Variants in TBC1D22A observed in about 807,000 individuals in gnomAD.
TBC1D22A encodes the protein TBC1 domain family member 22A.
TBC1D22A carries 38 observed loss-of-function variants against 60.2 expected under a neutral mutation model. The observed-to-expected ratio is 0.63, with a 90% CI of 0.49 to 0.83. The LOEUF is 0.83. TBC1D22A is among the 40% of genes least tolerant of loss of function. TBC1D22A has a pLI of 0.00. For missense variants in TBC1D22A, 628 were observed against 701.0 expected, an observed-to-expected ratio of 0.90 and a Z score of 1.18; for synonymous variants, 302 against 281.7, an observed-to-expected ratio of 1.07 and a Z score of -0.72.
chr22:46,929,337 AACATTT>A (rs1212682782), intron 8 of TBC1D22A, among the ~76,000 whole-genome samples: 2 of 152,190 alleles, frequency 1.3e-5, no homozygotes, highest in South Asian at 4.1e-4. Flanking sequence ...AGGTCTGGAT[AACATTT>A]GCTAGGTTGT....
At chr22:46,832,777 C>T (rs1003102349) in intron 4 of TBC1D22A, among the ~76,000 whole-genome samples, 1 of 152,230 alleles carries the variant, frequency 6.6e-6, no homozygotes, top group African/African-American at 2.4e-5. Context: ...CTGGTGCTAA[C>T]AAGCCACTGA....
chr22:46,921,655 G>T (rs577159815), intron 8 of TBC1D22A, among the ~76,000 whole-genome samples: 1 of 152,266 alleles, frequency 6.6e-6, no homozygotes. Context: ...AGTTATTAGA[G>T]AAATCACCGA....
chr22:46,860,687 C>T (rs2087825268), intron 4 of TBC1D22A, among the ~76,000 whole-genome samples: 1 of 152,220 alleles, frequency 6.6e-6, no homozygotes, highest in African/African-American at 2.4e-5. Flanking sequence ...AGTGCTGTGC[C>T]CCTTCCTGGC....
At chr22:47,109,607 G>C (rs2065770950) in intron 11 of TBC1D22A, among the ~76,000 whole-genome samples, 1 of 152,108 alleles carries the variant, frequency 6.6e-6, no homozygotes, top group Non-Finnish European at 1.5e-5. Context: ...AAACTTGGCA[G>C]TTCCAAAGAA....
At chr22:47,153,137 T>A (rs959623252) in intron 12 of TBC1D22A, among the ~76,000 whole-genome samples, 3 of 152,086 alleles carry the variant, frequency 2.0e-5, no homozygotes, top group African/African-American at 7.2e-5. Flanking sequence ...CTGCTGAAAC[T>A]CCAGCCATTG....
chr22:46,841,046 G>GTAT (rs56367266), intron 4 of TBC1D22A, among the ~76,000 whole-genome samples: 1 of 146,338 alleles, frequency 6.8e-6, no homozygotes, highest in East Asian at 1.9e-4. Context: ...TAATGAAAAT[G>GTAT]GGTGTGTGTG....
At chr22:46,881,192 G>A (rs1357728594) in intron 5 of TBC1D22A, among the ~76,000 whole-genome samples, 1 of 152,146 alleles carries the variant, frequency 6.6e-6, no homozygotes, top group African/African-American at 2.4e-5. Flanking sequence ...GGAGTGGTGA[G>A]CCTGTGTTTC....
At chr22:47,130,034 G>C (rs1428941455) in intron 12 of TBC1D22A, among the ~76,000 whole-genome samples, 1 of 152,220 alleles carries the variant, frequency 6.6e-6, no homozygotes, top group Non-Finnish European at 1.5e-5. Flanking sequence ...TGAGGCTCCT[G>C]GGGTGGTGTG....
rs189996305 is a variant in TBC1D22A, at chr22:46,984,827, C to T, written c.1125+10428C>T. Reference sequence around the variant, plus strand: ...TCAGGAAACGGCCAGGCCCATGACTCGGGGTGGAGTGGACTCTGCCTGTGA... The same window carrying T: ...TCAGGAAACGGCCAGGCCCATGACTTGGGGTGGAGTGGACTCTGCCTGTGA... On this transcript the variant is annotated intron_variant, in intron 9 of 12. Coordinates refer to ENST00000337137, the MANE Select transcript of TBC1D22A (RefSeq NM_014346.5). 1.5e-4 allele frequency among the ~76,000 whole-genome samples: 23 copies of T among 152,312 alleles called. No homozygotes were observed. In the East Asian group the frequency reaches 3.9e-3, roughly 26 times the overall value.
intron 4 of TBC1D22A, among the ~76,000 whole-genome samples, chr22:46,830,424 C>A (rs578010682): frequency 2.6e-5 from 4 of 152,212 alleles, no homozygotes; most frequent in African/African-American, 9.6e-5. Context: ...AATCGCAGGG[C>A]GTCATGTTGC....
chr22:46,906,837 C>CTT (rs11405593), intron 7 of TBC1D22A, among the ~76,000 whole-genome samples: 1 of 149,944 alleles, frequency 6.7e-6, no homozygotes, highest in African/African-American at 2.5e-5. Flanking sequence ...TGTGTGTGTT[C>CTT]TTTTTTGTGT....
chr22:47,095,454 T>G (rs2147639467), intron 11 of TBC1D22A, among the ~76,000 whole-genome samples: 1 of 152,390 alleles, frequency 6.6e-6, no homozygotes, highest in African/African-American at 2.4e-5. Context: ...ATTGTTTCTT[T>G]GCCTTAGTTC....
chr22:47,159,090 TAC>T (rs1462671648), intron 12 of TBC1D22A, among the ~76,000 whole-genome samples: 10 of 143,270 alleles, frequency 7.0e-5, no homozygotes, highest in African/African-American at 2.7e-4. Flanking sequence ...ACACCATGTA[TAC>T]ACACAGATAA....
In TBC1D22A at chr22:47,037,179, G is replaced by A. The variant is rs753037531; in HGVS notation, c.1310G>A (p.Arg437His). ...MREVPLRCTI[R>H]LWDTYQSEPD... ...GAGGTGCCCCTGCGTTGTACCATCC[G>A]CCTGTGGGACACCTACCAGGTGAGC... The change falls in exon 11 of 13, where the codon CGC (arginine) becomes CAC (histidine). Residue 437 changes from arginine to histidine, a missense_variant. Arg to His is a conservative substitution (Grantham distance 29). Coordinates refer to ENST00000337137, the MANE Select transcript of TBC1D22A (RefSeq NM_014346.5). The A allele has an allele frequency of 5.6e-6, 9 of 1,613,504 alleles. No homozygotes were observed. The highest frequency in any genetic ancestry group is 4.4e-5 in the South Asian group (4 of 91,086).
In TBC1D22A at chr22:47,009,757, CTG is replaced by C. The variant is rs1409752084; in HGVS notation, c.1201+12050_1201+12051del. Among the ~76,000 whole-genome samples, 1 of 152,238 alleles carries C rather than the reference CTG, an allele frequency of 6.6e-6. No individual in the cohort carries two copies. The highest frequency in any genetic ancestry group is 2.4e-5 in the African/African-American group (1 of 41,456). ...CCTCACCATCATCACCATCAACAAA[CTG>C]TACAGCAGGATGGGTCCATGGTGGG... On this transcript the variant is annotated intron_variant, in intron 10 of 12. Coordinates refer to ENST00000337137, the MANE Select transcript of TBC1D22A (RefSeq NM_014346.5). This position sits in a 1 kb window ranked among gnomAD's most constrained non-coding sequence, Gnocchi z 5.8.
intron 4 of TBC1D22A, among the ~76,000 whole-genome samples, chr22:46,806,441 A>G (rs2085142491): frequency 6.6e-6 from 1 of 151,480 alleles, no homozygotes; most frequent in Non-Finnish European, 1.5e-5. Context: ...CCGAGAAAAT[A>G]ATGTTTTTGT....
intron 8 of TBC1D22A, among the ~76,000 whole-genome samples, chr22:46,926,784 A>T (rs988485134): frequency 1.3e-5 from 2 of 152,208 alleles, no homozygotes; most frequent in African/African-American, 4.8e-5. Flanking sequence ...AGCCTACCCT[A>T]CATATTTCAG....
intron 1 of TBC1D22A, among the ~76,000 whole-genome samples, chr22:46,783,141 C>G (rs1034909979): frequency 3.9e-5 from 6 of 152,202 alleles, no homozygotes; most frequent in Non-Finnish European, 7.3e-5. Flanking sequence ...TTCTGCCATT[C>G]TGCTGGGTGT....
At chr22:46,929,255 T>C (rs546024337) in intron 8 of TBC1D22A, among the ~76,000 whole-genome samples, 5 of 152,286 alleles carry the variant, frequency 3.3e-5, no homozygotes, top group African/African-American at 1.2e-4. Flanking sequence ...AAATCCTTGA[T>C]TGTGTTTTAG....
Sources: gnomAD v4.1 joint callset for allele counts (sites outside exome capture counted in the v4.1 genomes callset) on GRCh38, gnomAD v4.1.1 for gene constraint, Gnocchi (gnomAD v3.1) non-coding constraint, MANE v1.5 for transcripts, NCBI Gene and HGNC (gene_info 2026-07-23, HGNC 2026-07-21) for gene names.